Variants in RUNDC3B observed in about 807,000 individuals in gnomAD.
RUNDC3B encodes RUN domain-containing protein 3B.
Under a neutral mutation model 58.4 loss-of-function variants are expected in RUNDC3B, and 33 were observed. The ratio of observed to expected loss-of-function variants is 0.56; its 90% confidence interval spans 0.43 to 0.75. The LOEUF (loss-of-function observed/expected upper bound fraction) is 0.75. RUNDC3B is among the 30% of genes least tolerant of loss of function. The pLI is 0.00. For synonymous variants in RUNDC3B, 193 were observed against 195.2 expected, an observed-to-expected ratio of 0.99 and a Z score of 0.10; for missense variants, 501 against 535.7, an observed-to-expected ratio of 0.94 and a Z score of 0.64.
intron 8 of RUNDC3B, among the ~76,000 whole-genome samples, chr7:87,797,678 G>T (rs1343641528): frequency 6.6e-6 from 1 of 152,130 alleles, no homozygotes; most frequent in African/African-American, 2.4e-5. Flanking sequence ...GTCAGTTAGG[G>T]TTTTTTGGTG....
At position 87,816,177 on chromosome 7, in the gene RUNDC3B, A is replaced by T. The variant is rs765852468; in HGVS notation, c.1140A>T (p.Glu380Asp). ...SYQSLDQLSA[E>D]VSLSQTSLDP... ...AAAGTCTTGACCAGTTATCAGCAGAAGTTAGCCTTTCTCAGACTTCACTAG... is the reference window on the plus strand; with the variant it reads ...AAAGTCTTGACCAGTTATCAGCAGATGTTAGCCTTTCTCAGACTTCACTAG... Residue 380 changes from glutamate (E) to aspartate (D), a missense_variant, in exon 10 of 11, where the codon GAA becomes GAT. By Grantham distance (45) the Glu-to-Asp change is conservative. Coordinates refer to ENST00000394654, the MANE Select transcript of RUNDC3B (RefSeq NM_001134405.2). 6.2e-7 allele frequency: 1 copy of T among 1,609,656 alleles called. No individual in the cohort carries two copies. The highest frequency in any genetic ancestry group is 1.1e-5 in the South Asian group (1 of 90,912).
chr7:87,632,244 A>G (rs960480012), intron 1 of RUNDC3B, among the ~76,000 whole-genome samples: 3 of 152,200 alleles, frequency 2.0e-5, no homozygotes, highest in Non-Finnish European at 2.9e-5. Context: ...TTATGTGAGT[A>G]CACAATTCTT....
intron 2 of RUNDC3B, among the ~76,000 whole-genome samples, chr7:87,676,703 C>CAAAAA (rs57480483): frequency 2.2e-5 from 1 of 45,424 alleles, no homozygotes; most frequent in African/African-American, 7.8e-5. Flanking sequence ...GACCCTGTCT[C>CAAAAA]AAAAAAAAAA....
At chr7:87,732,739 G>A (rs1831662809) in intron 4 of RUNDC3B, among the ~76,000 whole-genome samples, 1 of 152,116 alleles carries the variant, frequency 6.6e-6, no homozygotes. Context: ...GTTAGTGAGG[G>A]ATTTAGGGTC....
chr7:87,790,928 G>T (rs1835491475), intron 8 of RUNDC3B, among the ~76,000 whole-genome samples: 1 of 152,092 alleles, frequency 6.6e-6, no homozygotes, highest in African/African-American at 2.4e-5. Context: ...TTATTTAAAG[G>T]GATAATAACA....
chr7:87,816,007 A>C (rs1308084069), intron 9 of RUNDC3B, 134 bp from the exon 10 acceptor site: 4 of 637,760 alleles, frequency 6.3e-6, no homozygotes, highest in Non-Finnish European at 1.1e-5. Context: ...CAAGAATATG[A>C]AGCAAAATTT....
intron 1 of RUNDC3B, among the ~76,000 whole-genome samples, chr7:87,632,610 A>G (rs574699711): frequency 9.0e-4 from 137 of 152,264 alleles, no homozygotes; most frequent in African/African-American, 3.2e-3. Context: ...TATATTCTCT[A>G]TCGTTTAGAA....
At chr7:87,776,983 A>G (rs757550890) in intron 7 of RUNDC3B, among the ~76,000 whole-genome samples, 2 of 152,106 alleles carry the variant, frequency 1.3e-5, no homozygotes, top group African/African-American at 2.4e-5. Context: ...CAATCAGAAA[A>G]CAGGAAAGAT....
chr7:87,684,060 G>A (rs1827201594), intron 2 of RUNDC3B, among the ~76,000 whole-genome samples: 1 of 152,112 alleles, frequency 6.6e-6, no homozygotes, highest in African/African-American at 2.4e-5. Context: ...ACTAATAGGT[G>A]CATAGAAAAG....
intron 1 of RUNDC3B, among the ~76,000 whole-genome samples, chr7:87,643,304 A>C (rs1822635994): frequency 6.6e-6 from 1 of 152,170 alleles, no homozygotes; most frequent in African/African-American, 2.4e-5. Flanking sequence ...TCAGGGTACA[A>C]ATTTCAGGGA....
rs1175648773 is a variant in RUNDC3B, at chr7:87,722,164, A to G, written c.458+11509A>G. Among the ~76,000 whole-genome samples, 10 of 152,040 alleles carry G rather than the reference A, an allele frequency of 6.6e-5. 1 individual carries two copies. Among genetic ancestry groups the G allele is most frequent in the Admixed American group, 6.6e-4 (10 of 15,222 alleles). The stretch of plus-strand genomic sequence containing the variant: ...CATCATTTAATGATTATATCAAGCT[A>G]AGTAACATATCTATCACCTCTTATA... On this transcript the variant is annotated intron_variant, in intron 4 of 10. Coordinates refer to ENST00000394654, the MANE Select transcript of RUNDC3B (RefSeq NM_001134405.2).
At chr7:87,744,352 G>T (rs1311523812) in intron 6 of RUNDC3B, among the ~76,000 whole-genome samples, 3 of 152,036 alleles carry the variant, frequency 2.0e-5, no homozygotes, top group African/African-American at 7.2e-5. Flanking sequence ...ATGAAGAATG[G>T]TGGTGGTATT....
At chr7:87,731,621 A>G (rs1831582870) in intron 4 of RUNDC3B, among the ~76,000 whole-genome samples, 2 of 152,250 alleles carry the variant, frequency 1.3e-5, no homozygotes, top group Non-Finnish European at 2.9e-5. Context: ...AGTTGTCTGT[A>G]TTTATATCGG....
At chr7:87,828,548 T>G (rs1035273725) in intron 10 of RUNDC3B, among the ~76,000 whole-genome samples, 1 of 152,224 alleles carries the variant, frequency 6.6e-6, no homozygotes, top group Non-Finnish European at 1.5e-5. Flanking sequence ...GCAAAGGACA[T>G]GATGTCATTC....
chr7:87,628,612 TGTGTGTGTG>T lies in RUNDC3B; in HGVS notation c.-211_-203del. 15 of 365,234 alleles carry T rather than the reference TGTGTGTGTG, an allele frequency of 4.1e-5. No homozygotes were observed. Among genetic ancestry groups the T allele is most frequent in the African/African-American group, 2.5e-4 (12 of 47,546 alleles). 22.6% of individuals were successfully genotyped at this position (365,234 alleles called of 1,614,324 possible). ...GTGTGTGTGTGTGTGTGTGTGTGTG[TGTGTGTGTG>T]TGTGGAGCTCGGGTGCCAAGGGCGA... On this transcript the variant is annotated 5_prime_UTR_variant, in exon 1 of 11. Transcript: ENST00000394654.
At chr7:87,718,593 T>C (rs1171001844) in intron 4 of RUNDC3B, among the ~76,000 whole-genome samples, 1 of 152,084 alleles carries the variant, frequency 6.6e-6, no homozygotes, top group Non-Finnish European at 1.5e-5. Context: ...TATTCATACA[T>C]CTAAAAGTAA....
At chr7:87,760,981 A>G (rs923830465) in intron 6 of RUNDC3B, among the ~76,000 whole-genome samples, 8 of 152,038 alleles carry the variant, frequency 5.3e-5, no homozygotes, top group African/African-American at 1.9e-4. Context: ...GATAAATTGG[A>G]CTTCATCAAA....
chr7:87,759,531 T>A (rs1281185427), intron 6 of RUNDC3B, among the ~76,000 whole-genome samples: 1 of 152,144 alleles, frequency 6.6e-6, no homozygotes, highest in Non-Finnish European at 1.5e-5. Context: ...GCATGGTGGC[T>A]CATGCCTATA....
At chr7:87,733,535 C>A (rs751078282) in intron 4 of RUNDC3B, among the ~76,000 whole-genome samples, 1 of 152,146 alleles carries the variant, frequency 6.6e-6, no homozygotes, top group Non-Finnish European at 1.5e-5. Flanking sequence ...GAATAGGAGA[C>A]AATTTTTACA....
Sources: gnomAD v4.1 joint callset for allele counts (sites outside exome capture counted in the v4.1 genomes callset) on GRCh38, gnomAD v4.1.1 for gene constraint, MANE v1.5 for transcripts, NCBI Gene and HGNC (gene_info 2026-07-23, HGNC 2026-07-21) for gene names.